SMYD3: variants seen among roughly 807,000 people sequenced by gnomAD.
SMYD3 encodes the protein histone-lysine N-methyltransferase SMYD3.
A neutral mutation model predicts 57.7 loss-of-function variants in SMYD3; 36 were observed. The ratio of observed to expected loss-of-function variants is 0.62; its 90% CI spans 0.48 to 0.82. The LOEUF is 0.82. Among genes scored for constraint, SMYD3 ranks in the 40% least tolerant of loss-of-function variants. SMYD3 has a pLI of 0.00. For missense variants in SMYD3, 515 were observed against 538.8 expected (o/e 0.96, Z 0.44); for synonymous variants, 211 against 195.0 (o/e 1.08, Z -0.68).
chr1:245,902,451 G>T (rs1287840388), intron 8 of SMYD3, among the ~76,000 whole-genome samples: 1 of 152,226 alleles, frequency 6.6e-6, no homozygotes, highest in Non-Finnish European at 1.5e-5. Context: ...TCTGGGGGCT[G>T]GAAGATAGGA....
At chr1:245,929,761 G>T in intron 6 of SMYD3, 109 bp downstream of exon 6, 1 of 838,450 alleles carries the variant, frequency 1.2e-6, no homozygotes. Context: ...TTTAAGCTTG[G>T]CTCTTGAACA....
chr1:246,485,081 A>C (rs2068165277), intron 1 of SMYD3, among the ~76,000 whole-genome samples: 1 of 143,162 alleles, frequency 7.0e-6, no homozygotes, highest in Non-Finnish European at 1.5e-5. Context: ...GTTACACCTG[A>C]AAACACATCG....
chr1:246,327,363 AC>A (rs1218388330), intron 4 of SMYD3, 26 bp from the exon 5 acceptor site: 8 of 1,592,814 alleles, frequency 5.0e-6, no homozygotes, highest in Non-Finnish European at 6.9e-6. Context: ...AATAAATAGC[AC>A]AATCTCAAAG....
At chr1:246,426,577 T>G (rs1214118717) in intron 1 of SMYD3, among the ~76,000 whole-genome samples, 2 of 152,224 alleles carry the variant, frequency 1.3e-5, no homozygotes, top group Admixed American at 1.3e-4. Flanking sequence ...TTGAGTAAGG[T>G]TTTATCATTG....
Position 246,186,379 on chromosome 1 carries a change from ACTGT to A in SMYD3, c.531+140818_531+140821del, listed in dbSNP as rs571427868. ...TTTATGGACAAGAACCAGGCGCTTT[ACTGT>A]CTATTTTCTGCAGCACACACAATTC... On this transcript the variant is annotated intron_variant, in intron 5 of 11. Coordinates refer to ENST00000490107, the MANE Select transcript of SMYD3 (RefSeq NM_001167740.2). 2.7e-3 allele frequency among the ~76,000 whole-genome samples: 414 copies of A among 152,302 alleles called. 2 individuals carry two copies. The highest frequency in any genetic ancestry group is 3.2e-3 in the Non-Finnish European group (215 of 68,018).
intron 5 of SMYD3, among the ~76,000 whole-genome samples, chr1:246,206,928 G>C (rs1221056255): frequency 1.3e-5 from 2 of 152,054 alleles, no homozygotes; most frequent in Non-Finnish European, 2.9e-5. Context: ...ATTAATTATT[G>C]AATTCACTTT....
chr1:246,108,415 C>T (rs945093713), intron 5 of SMYD3, among the ~76,000 whole-genome samples: 1 of 152,096 alleles, frequency 6.6e-6, no homozygotes, highest in African/African-American at 2.4e-5. Flanking sequence ...GAGATCACAC[C>T]CTCACACAAT....
At chr1:246,490,001 CTTTT>C (rs71968916) in intron 1 of SMYD3, among the ~76,000 whole-genome samples, 7 of 92,286 alleles carry the variant, frequency 7.6e-5, no homozygotes, top group African/African-American at 1.2e-4. Context: ...TAATTTTTTC[CTTTT>C]TTTTTTTTTT....
At chr1:245,957,382 T>C (rs2057877212) in intron 5 of SMYD3, among the ~76,000 whole-genome samples, 1 of 152,198 alleles carries the variant, frequency 6.6e-6, no homozygotes, top group Non-Finnish European at 1.5e-5. Context: ...TCCCATCACC[T>C]ACTACACTCA....
At chr1:246,236,775 G>C (rs1407592533) in intron 5 of SMYD3, among the ~76,000 whole-genome samples, 1 of 152,094 alleles carries the variant, frequency 6.6e-6, no homozygotes, top group African/African-American at 2.4e-5. Context: ...GCCTCCCAAA[G>C]TGCTGGGACT....
At chr1:245,788,852 T>G (rs541558258) in intron 10 of SMYD3, 2 of 152,154 alleles carry the variant, frequency 1.3e-5, no homozygotes, top group African/African-American at 4.8e-5. Context: ...TAGGGGACGG[T>G]CCACTTACTC....
chr1:245,970,889 T>A (rs1030548310), intron 5 of SMYD3, among the ~76,000 whole-genome samples: 1 of 152,180 alleles, frequency 6.6e-6, no homozygotes, highest in Non-Finnish European at 1.5e-5. Flanking sequence ...GACAGTGTGG[T>A]GATTCCTCAA....
intron 5 of SMYD3, among the ~76,000 whole-genome samples, chr1:246,288,348 C>T (rs1485853673): frequency 6.6e-6 from 1 of 152,050 alleles, no homozygotes; most frequent in East Asian, 1.9e-4. Context: ...ACCGTAGCTC[C>T]ACAGAGAAGC....
At chr1:246,378,824 T>C (rs1190314760) in intron 1 of SMYD3, among the ~76,000 whole-genome samples, 1 of 116,114 alleles carries the variant, frequency 8.6e-6, no homozygotes, top group East Asian at 2.1e-4. Flanking sequence ...AATATATTTA[T>C]ATAGTATATA....
intron 1 of SMYD3, among the ~76,000 whole-genome samples, chr1:246,503,542 A>G (rs1401209713): frequency 6.6e-6 from 1 of 152,248 alleles, no homozygotes; most frequent in African/African-American, 2.4e-5. Context: ...TACAATCATA[A>G]CAATGGAATT....
At position 245,887,090 on chromosome 1, in the gene SMYD3, C is replaced by T. The variant is rs142877368; in HGVS notation, c.814-23204G>A. 4.1e-3 allele frequency among the ~76,000 whole-genome samples: 618 copies of T among 152,240 alleles called. 6 individuals carry two copies. Among genetic ancestry groups the T allele is most frequent in the African/African-American group, 0.014 (580 of 41,532 alleles). ...AGGCTAAGACCTACTGGGTGGCATTCCCAGATGGTTAAGGCATTCTAAGTC... is the reference window on the plus strand; with the variant it reads ...AGGCTAAGACCTACTGGGTGGCATTTCCAGATGGTTAAGGCATTCTAAGTC... On this transcript the variant is annotated intron_variant, in intron 8 of 11. Transcript: ENST00000490107.
chr1:245,785,930 C>T (rs930023307), intron 10 of SMYD3, among the ~76,000 whole-genome samples: 20 of 151,602 alleles, frequency 1.3e-4, no homozygotes, highest in Non-Finnish European at 1.2e-4. Flanking sequence ...GTCTCAAATT[C>T]CTGGCCTCAA....
intron 1 of SMYD3, among the ~76,000 whole-genome samples, chr1:246,386,570 T>C (rs781040131): frequency 2.1e-4 from 32 of 151,946 alleles, no homozygotes; most frequent in Admixed American, 1.2e-3. Flanking sequence ...GGCAGGAAGA[T>C]TGCTTGAGGC....
intron 5 of SMYD3, among the ~76,000 whole-genome samples, chr1:246,221,435 C>T (rs899676639): frequency 1.9e-4 from 29 of 152,164 alleles, no homozygotes; most frequent in African/African-American, 6.3e-4. Context: ...TAAAACATGC[C>T]CCTTGCTCGC....
Sources: gnomAD v4.1 joint callset for allele counts (sites outside exome capture counted in the v4.1 genomes callset) on GRCh38, gnomAD v4.1.1 for gene constraint, MANE v1.5 for transcripts, NCBI Gene and HGNC (gene_info 2026-07-23, HGNC 2026-07-21) for gene names.